CCDC146: variants seen among roughly 807,000 people sequenced by gnomAD.
The protein encoded by CCDC146 is coiled-coil domain containing 146, also known as coiled-coil domain-containing protein 146.
In CCDC146, 92 loss-of-function variants were observed where a neutral mutation model predicts 119.3. The observed-to-expected ratio is 0.77, with a 90% CI of 0.65 to 0.92. The LOEUF is 0.92. Among genes scored for constraint, CCDC146 ranks in the 40% least tolerant of loss-of-function variants. The pLI is 0.00. For missense variants in CCDC146, 1,000 were observed against 1,103.0 expected (o/e 0.91, Z 1.32); for synonymous variants, 372 against 371.8 (o/e 1.00, Z -0.01).
chr7:77,227,463 G>A lies in CCDC146; in HGVS notation c.157-9484G>A, dbSNP rs551326193. ...TGGGACTACAGGTGCCTGCCACCAC[G>A]CCCGGCTAATTTTTTGTATTTTTAA... On this transcript the variant is annotated intron_variant, in intron 2 of 18. Transcript: ENST00000285871. 4.0e-3 allele frequency among the ~76,000 whole-genome samples: 606 copies of A among 152,216 alleles called. 5 individuals carry two copies. Among genetic ancestry groups the A allele is most frequent in the African/African-American group, 0.014 (572 of 41,526 alleles).
At chr7:77,251,457 C>G (rs1026720925) in intron 4 of CCDC146, among the ~76,000 whole-genome samples, 1 of 152,178 alleles carries the variant, frequency 6.6e-6, no homozygotes, top group African/African-American at 2.4e-5. Context: ...TCACACATCC[C>G]TGCCATATCT....
intron 1 of CCDC146, among the ~76,000 whole-genome samples, chr7:77,123,627 C>A (rs1187689264): frequency 6.6e-6 from 1 of 152,114 alleles, no homozygotes; most frequent in Non-Finnish European, 1.5e-5. Flanking sequence ...ACTAACATTT[C>A]ATAAAATGCA....
chr7:77,294,663 G>A lies in CCDC146; in HGVS notation c.2665G>A (p.Glu889Lys). 6.2e-7 allele frequency: 1 copy of A among 1,614,054 alleles called. No individual in the cohort carries two copies. The highest frequency in any genetic ancestry group is 8.5e-7 in the Non-Finnish European group (1 of 1,179,934). The change falls in exon 19 of 19, where the codon GAG (glutamate) becomes AAG (lysine). Residue 889 changes from glutamate (E) to lysine (K), a missense_variant and splice_region_variant. Glu to Lys is a moderately conservative substitution (Grantham distance 56, BLOSUM62 1). This residue lies in a region of CCDC146 where 985 missense variants were observed against 1,045.3 expected (regional missense o/e 0.94). Coordinates refer to ENST00000285871, the MANE Select transcript of CCDC146 (RefSeq NM_020879.3). ...GAAAAGGAAAAATCATTCTTTGCAG[G>A]AGTTCTTGGAAGCAGATAATCGCCA... The part of the protein sequence containing the change: ...HALAIAEKSQ[E>K]FLEADNRQLP...
At chr7:77,138,830 A>AT (rs1232297760) in intron 1 of CCDC146, among the ~76,000 whole-genome samples, 3 of 152,234 alleles carry the variant, frequency 2.0e-5, no homozygotes, top group Admixed American at 2.0e-4. Flanking sequence ...TCACACACCT[A>AT]TTAGAATGGT....
intron 9 of CCDC146, among the ~76,000 whole-genome samples, chr7:77,263,235 C>T (rs534704880): frequency 1.3e-5 from 2 of 152,264 alleles, no homozygotes; most frequent in Admixed American, 6.5e-5. Flanking sequence ...CTCATTCTGG[C>T]CAGAGGATTG....
chr7:77,211,136 A>G (rs911261563), intron 2 of CCDC146, among the ~76,000 whole-genome samples: 1 of 152,170 alleles, frequency 6.6e-6, no homozygotes, highest in South Asian at 2.1e-4. Context: ...ACCCAGGTCA[A>G]AAAATAAAAC....
chr7:77,203,728 G>A (rs971886467), intron 2 of CCDC146, among the ~76,000 whole-genome samples: 5 of 152,102 alleles, frequency 3.3e-5, no homozygotes, highest in East Asian at 3.9e-4. Flanking sequence ...TCCTCATGGC[G>A]GTGTCAGAAT....
At chr7:77,170,003 A>AT (rs1791396054) in intron 2 of CCDC146, among the ~76,000 whole-genome samples, 1 of 152,116 alleles carries the variant, frequency 6.6e-6, no homozygotes, top group African/African-American at 2.4e-5. Flanking sequence ...ATCTTTATAT[A>AT]TTTTTTAATC....
At chr7:77,225,067 G>A (rs901481660) in intron 2 of CCDC146, among the ~76,000 whole-genome samples, 1 of 152,070 alleles carries the variant, frequency 6.6e-6, no homozygotes, top group Non-Finnish European at 1.5e-5. Context: ...TGAGAGAGAT[G>A]AGCAAATTTA....
chr7:77,193,709 T>C (rs998511632), intron 2 of CCDC146: 15 of 152,142 alleles, frequency 9.9e-5, no homozygotes, highest in African/African-American at 3.6e-4. Flanking sequence ...CCCTCAGTCA[T>C]AGGTAAATCA....
intron 2 of CCDC146, chr7:77,194,279 A>G (rs1018748674): frequency 9.9e-5 from 15 of 152,092 alleles, no homozygotes; most frequent in African/African-American, 3.4e-4. Flanking sequence ...TATATACTAA[A>G]TGACAATGAC....
intron 2 of CCDC146, among the ~76,000 whole-genome samples, chr7:77,170,554 T>C (rs1452418502): frequency 1.3e-5 from 2 of 152,162 alleles, no homozygotes; most frequent in East Asian, 3.8e-4. Context: ...ATCTCCAAAC[T>C]GCTTTCCACA....
chr7:77,146,345 C>T (rs546706571), intron 1 of CCDC146, among the ~76,000 whole-genome samples: 1,644 of 152,000 alleles, frequency 0.011, 23 homozygotes, highest in African/African-American at 0.037. Flanking sequence ...TACAGCACAC[C>T]GATGAGTCTT....
At chr7:77,176,141 A>G (rs1791495977) in intron 2 of CCDC146, among the ~76,000 whole-genome samples, 1 of 151,004 alleles carries the variant, frequency 6.6e-6, no homozygotes, top group African/African-American at 2.5e-5. Flanking sequence ...CATGTAGATG[A>G]CCCCAAAGTA....
intron 6 of CCDC146, among the ~76,000 whole-genome samples, chr7:77,256,829 G>C (rs112344556): frequency 0.011 from 1,606 of 152,280 alleles, 33 homozygotes; most frequent in African/African-American, 0.036. Flanking sequence ...CCATGGCCAG[G>C]CACAGTGGCT....
chr7:77,189,617 G>A (rs770231648), intron 2 of CCDC146, among the ~76,000 whole-genome samples: 2 of 151,976 alleles, frequency 1.3e-5, no homozygotes, highest in African/African-American at 2.4e-5. Flanking sequence ...TAGGTAATCC[G>A]GTATACCACT....
At chr7:77,235,978 C>T (rs903910664) in intron 2 of CCDC146, among the ~76,000 whole-genome samples, 22 of 151,802 alleles carry the variant, frequency 1.4e-4, no homozygotes, top group Admixed American at 6.6e-4. Context: ...GGCTGAGGTA[C>T]GAGAATCACT....
At chr7:77,233,456 A>C (rs1029354592) in intron 2 of CCDC146, among the ~76,000 whole-genome samples, 3 of 151,872 alleles carry the variant, frequency 2.0e-5, no homozygotes, top group Non-Finnish European at 4.4e-5. Flanking sequence ...TGGAAGTCCC[A>C]CCCACCCCCT....
In CCDC146 at chr7:77,280,796, G is replaced by C. The variant is rs536574462; in HGVS notation, c.1919+143G>C. 9 of 640,112 alleles carry C rather than the reference G, an allele frequency of 1.4e-5. No individual in the cohort carries two copies. The Admixed American group carries it at 1.5e-4, about 11-fold the overall frequency. 39.7% of individuals were successfully genotyped at this position (640,112 alleles called of 1,614,324 possible). On this transcript the variant is annotated intron_variant, in intron 14 of 18. Coordinates refer to ENST00000285871, the MANE Select transcript of CCDC146 (RefSeq NM_020879.3). ...CTTTGGAGAGAAGGGACTGTGTGTT[G>C]CTTCCCTGGAAAATAAGAAACACTG...
Sources: gnomAD v4.1 joint callset for allele counts (sites outside exome capture counted in the v4.1 genomes callset) on GRCh38, gnomAD v4.1.1 for gene constraint, gnomAD v4.1.1 regional missense constraint, MANE v1.5 for transcripts, NCBI Gene and HGNC (gene_info 2026-07-23, HGNC 2026-07-21) for gene names.